Variants in RCAN1 observed in about 807,000 individuals in gnomAD.
The protein encoded by RCAN1 is calcipressin-1.
Under a neutral mutation model 22.9 loss-of-function variants are expected in RCAN1, and 11 were observed. That is an observed-to-expected ratio of 0.48 (90% CI 0.30 to 0.79). RCAN1 has a LOEUF of 0.79. Ranked by LOEUF, RCAN1 falls within the 30% of genes least tolerant of loss-of-function variation. The probability of loss-of-function intolerance (pLI) is 0.06; values close to 1 mark genes in which losing one functional copy is unlikely to be tolerated. For synonymous variants in RCAN1, 136 were observed against 142.3 expected (o/e 0.96, Z 0.32); for missense variants, 291 against 337.8 (o/e 0.86, Z 1.09).
At chr21:34,586,579 TG>T (rs1228172599) in intron 1 of RCAN1, among the ~76,000 whole-genome samples, 2 of 152,144 alleles carry the variant, frequency 1.3e-5, no homozygotes, top group African/African-American at 4.8e-5. Context: ...TGTGAATATA[TG>T]GGATAAGAAG....
intron 1 of RCAN1, among the ~76,000 whole-genome samples, chr21:34,588,052 C>T (rs958565735): frequency 7.2e-5 from 11 of 152,190 alleles, no homozygotes; most frequent in African/African-American, 2.7e-4. Flanking sequence ...AGATTTTGGA[C>T]TTGCCAGTCA....
intron 1 of RCAN1, among the ~76,000 whole-genome samples, chr21:34,588,096 C>T (rs1047537417): frequency 2.6e-5 from 4 of 152,236 alleles, no homozygotes; most frequent in Non-Finnish European, 2.9e-5. Context: ...TTAAAACAAA[C>T]TTTTCCCTAT....
chr21:34,531,261 T>A (rs1985374571), intron 1 of RCAN1, among the ~76,000 whole-genome samples: 1 of 152,198 alleles, frequency 6.6e-6, no homozygotes, highest in Admixed American at 6.5e-5. Flanking sequence ...CACACTATGT[T>A]TAGGAGAGCC....
At chr21:34,602,649 A>G (rs561196843) in intron 1 of RCAN1, among the ~76,000 whole-genome samples, 1 of 152,304 alleles carries the variant, frequency 6.6e-6, no homozygotes, top group African/African-American at 2.4e-5. Flanking sequence ...ACTCCAGCCC[A>G]GAACACTGTC....
chr21:34,526,365 G>A (rs1985051530), intron 1 of RCAN1, among the ~76,000 whole-genome samples: 1 of 152,322 alleles, frequency 6.6e-6, no homozygotes, highest in African/African-American at 2.4e-5. Flanking sequence ...GCCTCTTTCT[G>A]AAAAGTTCAC....
At chr21:34,613,282 T>C (rs1988730329) in intron 1 of RCAN1, among the ~76,000 whole-genome samples, 1 of 151,524 alleles carries the variant, frequency 6.6e-6, no homozygotes, top group African/African-American at 2.5e-5. Context: ...TATAGCATCA[T>C]TACTTTCTGA....
chr21:34,537,717 C>A (rs909513795), intron 1 of RCAN1, among the ~76,000 whole-genome samples: 13 of 152,350 alleles, frequency 8.5e-5, no homozygotes, highest in African/African-American at 2.9e-4. Flanking sequence ...AGGTGCCAGG[C>A]GTACAGGCAG....
Position 34,535,658 on chromosome 21 carries a change from T to C in RCAN1, c.253-11948A>G, listed in dbSNP as rs544663106. On this transcript the variant is annotated intron_variant, in intron 1 of 3. Transcript: ENST00000313806. The stretch of plus-strand genomic sequence containing the variant: ...TAAGAAACGCTGAAGTATCTTTTGA[T>C]ACTTTGCCTGAATTACTACAAGAGA... Among the ~76,000 whole-genome samples the C allele has an allele frequency of 2.6e-5, 4 of 152,306 alleles. No homozygotes were observed. In the South Asian group the frequency reaches 6.2e-4, roughly 24 times the overall value.
At chr21:34,550,455 C>T (rs532014544) in intron 1 of RCAN1, among the ~76,000 whole-genome samples, 4 of 152,060 alleles carry the variant, frequency 2.6e-5, no homozygotes, top group South Asian at 2.1e-4. Context: ...AAGGAGGAGC[C>T]CAATCCAATC....
rs548628868 is a variant in RCAN1 at position 34,517,691 on chromosome 21, TAG to T, written c.*391_*392del. 46 of 179,606 alleles carry T rather than the reference TAG, an allele frequency of 2.6e-4. No individual in the cohort carries two copies. The highest frequency in any genetic ancestry group is 9.4e-4 in the African/African-American group (40 of 42,420). 11.1% of individuals were successfully genotyped at this position (179,606 alleles called of 1,614,324 possible). ...TTCCTGTGGTACCTCTTCCTACCAGTAGAGAGTGGCCCCTGCAGGCCACTTAG... is the reference window on the plus strand; with the variant it reads ...TTCCTGTGGTACCTCTTCCTACCAGTAGAGTGGCCCCTGCAGGCCACTTAG... On this transcript the variant is annotated 3_prime_UTR_variant, in exon 4 of 4. Coordinates refer to ENST00000313806, the MANE Select transcript of RCAN1 (RefSeq NM_004414.7).
chr21:34,579,577 A>C (rs1987533549), intron 1 of RCAN1, among the ~76,000 whole-genome samples: 1 of 152,160 alleles, frequency 6.6e-6, no homozygotes, highest in Admixed American at 6.5e-5. Context: ...GCAATGTATG[A>C]CTCAATGCAT....
chr21:34,576,288 G>A (rs1408477935), intron 1 of RCAN1, among the ~76,000 whole-genome samples: 6 of 152,156 alleles, frequency 3.9e-5, no homozygotes, highest in African/African-American at 9.7e-5. Flanking sequence ...CTGCAGGTTC[G>A]TACCTGCACC....
chr21:34,544,209 A>G (rs1335037454), intron 1 of RCAN1, among the ~76,000 whole-genome samples: 1 of 152,198 alleles, frequency 6.6e-6, no homozygotes, highest in African/African-American at 2.4e-5. Context: ...TCTGTGATGG[A>G]TTCTGTTTCC....
At chr21:34,520,738 C>A (rs7283332) in intron 3 of RCAN1, among the ~76,000 whole-genome samples, 5,749 of 152,222 alleles carry the variant, frequency 0.038, 351 homozygotes, top group African/African-American at 0.13. Context: ...AGGACAGGAA[C>A]CACCAACATT....
intron 1 of RCAN1, among the ~76,000 whole-genome samples, chr21:34,571,436 C>G (rs1320684836): frequency 1.3e-5 from 2 of 152,164 alleles, no homozygotes; most frequent in African/African-American, 2.4e-5. Flanking sequence ...AAAATTTAAA[C>G]TTGTATCTAC....
At chr21:34,545,243 A>G (rs575671003) in intron 1 of RCAN1, among the ~76,000 whole-genome samples, 38 of 152,334 alleles carry the variant, frequency 2.5e-4, no homozygotes, top group Non-Finnish European at 4.9e-4. Flanking sequence ...AGATCACAGC[A>G]TTGCACAACG....
intron 3 of RCAN1, among the ~76,000 whole-genome samples, chr21:34,519,763 C>T (rs944792179): frequency 2.3e-4 from 35 of 152,232 alleles, no homozygotes; most frequent in Admixed American, 2.0e-3. Flanking sequence ...GTGTGATTTC[C>T]GCCCGACAAG....
chr21:34,526,595 A>G (rs1318078775), intron 1 of RCAN1: 2 of 1,464,570 alleles, frequency 1.4e-6, no homozygotes, highest in Non-Finnish European at 1.9e-6. Flanking sequence ...CCAAGTATTC[A>G]GTTAATAGTC....
At chr21:34,525,250 C>T in intron 1 of RCAN1, 1 of 1,550,656 alleles carries the variant, frequency 6.4e-7, no homozygotes, top group South Asian at 1.2e-5. Flanking sequence ...GTAGTCGGTC[C>T]CTGCCAGGCA....
Sources: allele counts gnomAD v4.1 joint callset (sites outside exome capture counted in the v4.1 genomes callset), GRCh38; gene constraint gnomAD v4.1.1; transcripts MANE v1.5; gene names NCBI Gene and HGNC (gene_info 2026-07-23, HGNC 2026-07-21).